HDAC2: variants seen among roughly 807,000 people sequenced by gnomAD.
HDAC2 encodes the protein histone deacetylase 2, also known as YY1-associated factor 1.
HDAC2 carries 5 observed loss-of-function variants against 68.5 expected under a neutral mutation model. That is an observed-to-expected ratio of 0.07 (90% CI 0.04 to 0.15). HDAC2 has a LOEUF of 0.15. Among genes scored for constraint, HDAC2 ranks in the 10% least tolerant of loss-of-function variants. The pLI, the probability that HDAC2 is intolerant of heterozygous loss-of-function variation, is 1.00. For synonymous variants in HDAC2, 182 were observed against 191.3 expected, an observed-to-expected ratio of 0.95 and a Z score of 0.40; for missense variants, 291 against 600.8, an observed-to-expected ratio of 0.48 and a Z score of 5.39.
chr6:113,949,341 C>A, intron 6 of HDAC2, 81 bp from the exon 7 acceptor site: 3 of 830,644 alleles, frequency 3.6e-6, no homozygotes, highest in African/African-American at 1.7e-5. Context: ...TTTGAAAAGA[C>A]TGAAAGACTA....
At position 113,937,155 on chromosome 6, in the gene HDAC2, G is replaced by C. The variant is rs950075984; in HGVS notation, c.*3903C>G. The C allele has an allele frequency of 6.6e-6, 1 of 152,032 alleles. No individual in the cohort carries two copies. Among genetic ancestry groups the C allele is most frequent in the Admixed American group, 6.6e-5 (1 of 15,258 alleles). The allele number at this position is 152,032 out of a possible 1,614,324, so 9.4% of individuals were successfully genotyped here. ...TAGTAATTTTCCTAAGATTATGGTG[G>C]AGATCCTAAGCTATTGAAATGATTA... On this transcript the variant is annotated 3_prime_UTR_variant, in exon 14 of 14. Coordinates refer to ENST00000519065, the MANE Select transcript of HDAC2 (RefSeq NM_001527.4).
chr6:113,958,821 T>C lies in HDAC2; in HGVS notation c.166-55A>G, dbSNP rs567921118. 1.9e-4 allele frequency: 193 copies of C among 990,136 alleles called. 4 individuals carry two copies. In the South Asian group the frequency reaches 2.6e-3, roughly 13 times the overall value. 61.3% of individuals were successfully genotyped at this position (990,136 alleles called of 1,614,324 possible). A position where few individuals can be genotyped will look rare whatever the true frequency, so the allele number is the denominator to read the frequency against. ...GGAATTACAACCGGTTATATCAGTA[T>C]TATCAAACAAATATACAAATTCCCC... On this transcript the variant is annotated intron_variant, in intron 2 of 13. Coordinates refer to ENST00000519065, the MANE Select transcript of HDAC2 (RefSeq NM_001527.4).
chr6:113,948,897 TA>T, intron 8 of HDAC2, 81 bp downstream of exon 8: 2 of 1,513,952 alleles, frequency 1.3e-6, no homozygotes, highest in Non-Finnish European at 1.8e-6. Flanking sequence ...GGCAAGAAAC[TA>T]CAATGAGAAC....
At chr6:113,943,180 T>A (rs1776179756) in intron 12 of HDAC2, among the ~76,000 whole-genome samples, 171 bp downstream of exon 12, 1 of 152,148 alleles carries the variant, frequency 6.6e-6, no homozygotes, top group Non-Finnish European at 1.5e-5. Context: ...AACATTTATA[T>A]AAAAGCTTTA....
In HDAC2 at chr6:113,941,769, A is replaced by C. The variant is rs766736266; in HGVS notation, c.1379-4T>G. On this transcript the variant is annotated splice_polypyrimidine_tract_variant and splice_region_variant and intron_variant, in intron 12 of 13. Transcript: ENST00000519065. Reference sequence around the variant, plus strand: ...GATTTATCTTCTTCCTTAACGTCTAAAAATAAAGATTGGGAAAAGATTAAA... The same window carrying C: ...GATTTATCTTCTTCCTTAACGTCTACAAATAAAGATTGGGAAAAGATTAAA... 63 of 1,292,690 alleles carry C rather than the reference A, an allele frequency of 4.9e-5. No homozygotes were observed. Among genetic ancestry groups the C allele is most frequent in the Non-Finnish European group, 6.3e-5 (59 of 934,242 alleles). The allele number at this position is 1,292,690 out of a possible 1,614,324, so 80.1% of individuals were successfully genotyped here.
rs1775936626 is a variant in HDAC2 at position 113,933,533 on chromosome 6, T to A, written c.*7525A>T. 1 of 152,234 alleles carries A rather than the reference T, an allele frequency of 6.6e-6. No homozygotes were observed. The highest frequency in any genetic ancestry group is 2.1e-4 in the South Asian group (1 of 4,824). The allele number at this position is 152,234 out of a possible 1,614,324, so 9.4% of individuals were successfully genotyped here. On this transcript the variant is annotated 3_prime_UTR_variant, in exon 14 of 14. Coordinates refer to ENST00000519065, the MANE Select transcript of HDAC2 (RefSeq NM_001527.4). The stretch of plus-strand genomic sequence containing the variant: ...CCTTCCATTCCCCTTCCCACTTCTA[T>A]TTCCATTCCAGTCCATTCTATTCCC...
intron 1 of HDAC2, among the ~76,000 whole-genome samples, chr6:113,964,966 T>C (rs1035728598): frequency 6.6e-6 from 1 of 152,248 alleles, no homozygotes; most frequent in Non-Finnish European, 1.5e-5. Flanking sequence ...CAAATCTCTC[T>C]TAAATATGTC....
At chr6:113,945,127 T>G (rs1427477373) in intron 10 of HDAC2, among the ~76,000 whole-genome samples, 3 of 151,832 alleles carry the variant, frequency 2.0e-5, no homozygotes, top group Admixed American at 1.3e-4. Flanking sequence ...ACAGGATCAC[T>G]TGAAGCCAGG....
intron 10 of HDAC2, among the ~76,000 whole-genome samples, chr6:113,944,857 A>C (rs1256001346): frequency 9.2e-5 from 14 of 152,182 alleles, no homozygotes. Flanking sequence ...AGGCAAGTGA[A>C]CTTATCAAAC....
intron 5 of HDAC2, among the ~76,000 whole-genome samples, chr6:113,955,646 T>C (rs12660832): frequency 0.22 from 33,986 of 152,026 alleles, 3,988 homozygotes; most frequent in Middle Eastern, 0.3. Context: ...TCCTGGGTAG[T>C]TGGGACTACA....
intron 1 of HDAC2, among the ~76,000 whole-genome samples, chr6:113,962,795 C>G (rs184654226): frequency 3.3e-5 from 5 of 151,404 alleles, no homozygotes; most frequent in African/African-American, 1.2e-4. Flanking sequence ...AACCCCGTCT[C>G]TACTAAAAAT....
intron 6 of HDAC2, among the ~76,000 whole-genome samples, chr6:113,950,725 G>A (rs1420274670): frequency 1.3e-5 from 2 of 150,986 alleles, no homozygotes; most frequent in Non-Finnish European, 2.9e-5. Flanking sequence ...TAATTCTTAT[G>A]TGCGTTGAAT....
At chr6:113,970,232 A>G (rs1260915581) in intron 1 of HDAC2, 2 of 154,758 alleles carry the variant, frequency 1.3e-5, no homozygotes, top group African/African-American at 2.4e-5. Flanking sequence ...CCCCACCCTC[A>G]GTAACTACTC....
rs2114575551 is a variant in HDAC2, at chr6:113,934,052, G to T, written c.*7006C>A. 1 of 151,950 alleles carries T rather than the reference G, an allele frequency of 6.6e-6. No homozygotes were observed. The highest frequency in any genetic ancestry group is 1.9e-4 in the East Asian group (1 of 5,166). The allele number at this position is 151,950 out of a possible 1,614,324, so 9.4% of individuals were successfully genotyped here. A position where few individuals can be genotyped will look rare whatever the true frequency, so the allele number is the denominator to read the frequency against. On this transcript the variant is annotated 3_prime_UTR_variant, in exon 14 of 14. Transcript: ENST00000519065. The stretch of plus-strand genomic sequence containing the variant: ...AAAAACTGAATTTCTACGGGTAAAT[G>T]TTTAAATATGAGAAAAAAGTTGACT...
In HDAC2 at chr6:113,971,144, A is replaced by AG; in HGVS notation, c.-237dup. The AG allele has an allele frequency of 6.8e-7, 1 of 1,461,236 alleles. No homozygotes were observed. The highest frequency in any genetic ancestry group is 2.9e-5 in the East Asian group (1 of 34,502). The allele number at this position is 1,461,236 out of a possible 1,614,324, so 90.5% of individuals were successfully genotyped here. On this transcript the variant is annotated 5_prime_UTR_variant, in exon 1 of 14. Coordinates refer to ENST00000519065, the MANE Select transcript of HDAC2 (RefSeq NM_001527.4). ...GTGGCAGCGGCACCAACTCGCGAGG[A>AG]GGGGGCCACCAAACCACCTCAGGAG...
At chr6:113,960,390 A>T (rs1173242294) in intron 1 of HDAC2, among the ~76,000 whole-genome samples, 1 of 151,898 alleles carries the variant, frequency 6.6e-6, no homozygotes, top group Non-Finnish European at 1.5e-5. Flanking sequence ...ATGATTTAAA[A>T]TTTTTTCAGC....
intron 1 of HDAC2, chr6:113,970,611 C>T (rs563692745): frequency 7.5e-7 from 1 of 1,325,116 alleles, no homozygotes; most frequent in African/African-American, 1.6e-5. Flanking sequence ...GACTGCACGG[C>T]CGAAGGGGGA....
At chr6:113,945,505 A>T in intron 9 of HDAC2, 35 bp from the exon 10 acceptor site, 1 of 1,001,534 alleles carries the variant, frequency 1.0e-6, no homozygotes, top group South Asian at 1.3e-5. Context: ...TACATATTAC[A>T]AGCTCAGTTT....
In HDAC2 at chr6:113,959,995, C is replaced by CATA; in HGVS notation, c.73_75dup (p.Tyr25dup). On this transcript the variant is annotated inframe_insertion, in exon 2 of 14. Coordinates refer to ENST00000519065, the MANE Select transcript of HDAC2 (RefSeq NM_001527.4). The stretch of plus-strand genomic sequence containing the variant: ...TGAGGCTTCATGGGATGACCCTGTC[C>CATA]ATAATAATAATTTCCAATATCACCT... 1 of 1,567,316 alleles carries CATA rather than the reference C, an allele frequency of 6.4e-7. No individual in the cohort carries two copies. Among genetic ancestry groups the CATA allele is most frequent in the Non-Finnish European group, 8.8e-7 (1 of 1,137,982 alleles).
Sources: allele counts gnomAD v4.1 joint callset (sites outside exome capture counted in the v4.1 genomes callset), GRCh38; gene constraint gnomAD v4.1.1; transcripts MANE v1.5; gene names NCBI Gene and HGNC (gene_info 2026-07-23, HGNC 2026-07-21).